FIP1L1: variants seen among roughly 807,000 people sequenced by gnomAD.
The protein encoded by FIP1L1 is factor interacting with PAPOLA and CPSF1.
Under a neutral mutation model 84.6 loss-of-function variants are expected in FIP1L1, and 21 were observed. The ratio of observed to expected loss-of-function variants is 0.25; its 90% CI spans 0.18 to 0.36. The LOEUF (loss-of-function observed/expected upper bound fraction) is 0.36, where lower values mean the gene tolerates loss of function less well. Ranked by LOEUF, FIP1L1 falls within the 10% of genes least tolerant of loss-of-function variation. The pLI is 1.00. For missense variants in FIP1L1, 526 were observed against 751.1 expected (o/e 0.70, Z 3.50); for synonymous variants, 263 against 242.3 (o/e 1.09, Z -0.80).
chr4:53,442,153 A>AT (rs915372158), intron 13 of FIP1L1: 1 of 152,744 alleles, frequency 6.5e-6, no homozygotes, highest in Non-Finnish European at 1.5e-5. Context: ...ATTTGAACAT[A>AT]TTTTCTGGTG....
chr4:53,453,285 C>T, intron 16 of FIP1L1, 152 bp downstream of exon 16: 1 of 796,634 alleles, frequency 1.3e-6, no homozygotes. Flanking sequence ...GGATTAGAGG[C>T]TTCCCATTAC....
At chr4:53,386,631 G>A (rs1212618394) in intron 5 of FIP1L1, among the ~76,000 whole-genome samples, 1 of 152,178 alleles carries the variant, frequency 6.6e-6, no homozygotes, top group Admixed American at 6.5e-5. Flanking sequence ...GGAGACAGTG[G>A]TTTTTAGGTG....
At position 53,394,172 on chromosome 4, in the gene FIP1L1, C is replaced by T. The variant is rs560529828; in HGVS notation, c.705+2674C>T. ...AATGCAATATCTTTTTCCCTCCTCT[C>T]TCAAAGGATATTAATGATAGGCTGT... On this transcript the variant is annotated intron_variant, in intron 9 of 17. Coordinates refer to ENST00000337488, the MANE Select transcript of FIP1L1 (RefSeq NM_030917.4). Among the ~76,000 whole-genome samples, 5 of 152,242 alleles carry T rather than the reference C, an allele frequency of 3.3e-5. No individual in the cohort carries two copies. The South Asian group carries it at 1.0e-3, about 32-fold the overall frequency.
intron 16 of FIP1L1, among the ~76,000 whole-genome samples, chr4:53,458,218 A>C (rs17656997): frequency 0.017 from 2,555 of 152,232 alleles, 30 homozygotes; most frequent in Non-Finnish European, 0.028. Flanking sequence ...TTATAATGTT[A>C]AACGTATGTC....
Position 53,391,025 on chromosome 4 carries a change from T to C in FIP1L1, c.522T>C (p.Asp174=), listed in dbSNP as rs567985726. The part of the protein sequence containing the change: ...PWRKPGADLS[D]YFNYGFNEDT... ...TATCTTTAGGTGCTGATCTTTCTGATTATTTTAATTATGGGTTTAATGAAG... is the reference window on the plus strand; with the variant it reads ...TATCTTTAGGTGCTGATCTTTCTGACTATTTTAATTATGGGTTTAATGAAG... Residue 174 remains aspartate (D), a synonymous_variant, in exon 8 of 18, where the codon GAT becomes GAC. Coordinates refer to ENST00000337488, the MANE Select transcript of FIP1L1 (RefSeq NM_030917.4). The C allele has an allele frequency of 2.7e-5, 43 of 1,601,350 alleles. No individual in the cohort carries two copies. The South Asian group carries it at 4.4e-4, about 16-fold the overall frequency.
chr4:53,410,100 G>A (rs1392968838), intron 10 of FIP1L1, among the ~76,000 whole-genome samples: 4 of 152,218 alleles, frequency 2.6e-5, no homozygotes, highest in African/African-American at 7.2e-5. Flanking sequence ...GCTGGGAGCT[G>A]TAGACCGGAG....
chr4:53,410,002 CTGCGCCCACTGTCT>C (rs1299607936), intron 10 of FIP1L1, among the ~76,000 whole-genome samples: 8 of 152,242 alleles, frequency 5.3e-5, no homozygotes, highest in Non-Finnish European at 1.2e-4. Flanking sequence ...ACCCACTGTC[CTGCGCCCACTGTCT>C]GGCACTCCCT....
chr4:53,411,100 T>C (rs1329117185), intron 10 of FIP1L1, among the ~76,000 whole-genome samples: 1 of 152,138 alleles, frequency 6.6e-6, no homozygotes, highest in East Asian at 1.9e-4. Flanking sequence ...TTTATGAAGG[T>C]TAGCTAGAGT....
intron 13 of FIP1L1, among the ~76,000 whole-genome samples, chr4:53,430,210 A>G (rs1474018755): frequency 1.3e-5 from 2 of 152,208 alleles, no homozygotes; most frequent in Non-Finnish European, 2.9e-5. Context: ...GTTGGTATGA[A>G]TTAATGACAA....
rs537744046 is a variant in FIP1L1, at chr4:53,390,380, T to G, written c.398-141T>G. The G allele has an allele frequency of 5.0e-5, 27 of 538,504 alleles. No individual in the cohort carries two copies. In the South Asian group the frequency reaches 5.2e-4, roughly 10 times the overall value. The allele number at this position is 538,504 out of a possible 1,614,324, so 33.4% of individuals were successfully genotyped here. Reference sequence around the variant, plus strand: ...CCCTTGCCAGGTTTTTTGCCAGGAATAGTAAAAAGATGTTTGTTTTCTGTT... The same window carrying G: ...CCCTTGCCAGGTTTTTTGCCAGGAAGAGTAAAAAGATGTTTGTTTTCTGTT... On this transcript the variant is annotated intron_variant, in intron 6 of 17. Coordinates refer to ENST00000337488, the MANE Select transcript of FIP1L1 (RefSeq NM_030917.4).
chr4:53,458,101 C>G (rs968001751), intron 16 of FIP1L1, among the ~76,000 whole-genome samples: 4 of 152,108 alleles, frequency 2.6e-5, no homozygotes, highest in African/African-American at 7.2e-5. Context: ...TTTGATGTCT[C>G]TGTTCTTTAT....
Position 53,453,005 on chromosome 4 carries a change from A to G in FIP1L1, c.1371A>G (p.Arg457=). The change falls in exon 16 of 18, where the codon AGA becomes AGG. Residue 457 remains arginine (R), a synonymous_variant. Transcript: ENST00000337488. Reference sequence around the variant, plus strand: ...AGCAGTGGGACTATTATGCCAGAAGAGAGAAAGACCGAGATAGAGAGAGAG... The same window carrying G: ...AGCAGTGGGACTATTATGCCAGAAGGGAGAAAGACCGAGATAGAGAGAGAG... The part of the protein sequence containing the change: ...TSKQWDYYAR[R]EKDRDRERDR... The G allele has an allele frequency of 6.2e-7, 1 of 1,613,920 alleles. No homozygotes were observed. Among genetic ancestry groups the G allele is most frequent in the Non-Finnish European group, 8.5e-7 (1 of 1,179,964 alleles).
chr4:53,423,257 A>G (rs1763086529), intron 11 of FIP1L1, among the ~76,000 whole-genome samples: 1 of 152,300 alleles, frequency 6.6e-6, no homozygotes, highest in Non-Finnish European at 1.5e-5. Context: ...TCAGACACCC[A>G]GAGTGGTTAG....
chr4:53,456,142 T>C (rs892183096), intron 16 of FIP1L1, among the ~76,000 whole-genome samples: 3 of 152,154 alleles, frequency 2.0e-5, no homozygotes, highest in African/African-American at 7.2e-5. Context: ...GTCTCTAGAA[T>C]GTACATGTTT....
At chr4:53,391,369 A>G (rs1226130779) in intron 8 of FIP1L1, 61 bp from the exon 9 acceptor site, 8 of 1,419,568 alleles carry the variant, frequency 5.6e-6, no homozygotes, top group African/African-American at 2.8e-5. Context: ...GTTTGTCTTT[A>G]TATGGCCTAT....
chr4:53,389,236 C>G (rs1742827828), intron 5 of FIP1L1, among the ~76,000 whole-genome samples: 1 of 152,080 alleles, frequency 6.6e-6, no homozygotes, highest in Admixed American at 6.6e-5. Context: ...TTAACAATAT[C>G]AAATGCAAGA....
intron 15 of FIP1L1, among the ~76,000 whole-genome samples, chr4:53,444,919 C>T (rs771086957): frequency 3.3e-5 from 5 of 152,104 alleles, no homozygotes; most frequent in Non-Finnish European, 7.3e-5. Flanking sequence ...TGCTTGCCCT[C>T]ATAAAAGTTA....
chr4:53,417,761 ACACTCTCTCTCTCTCTCTCTCTCT>A lies in FIP1L1; in HGVS notation c.923+3041_923+3064del, dbSNP rs1213655051. Among the ~76,000 whole-genome samples, 60 of 22,498 alleles carry A rather than the reference ACACTCTCTCTCTCTCTCTCTCTCT, an allele frequency of 2.7e-3. 3 individuals carry two copies. Among genetic ancestry groups the A allele is most frequent in the African/African-American group, 5.4e-3 (49 of 9,016 alleles). 14.8% of individuals were successfully genotyped at this position (22,498 alleles called of 152,430 possible). On this transcript the variant is annotated intron_variant, in intron 11 of 17. Transcript: ENST00000337488. ...TAAACACACACACACACACACACAC[ACACTCTCTCTCTCTCTCTCTCTCT>A]CTCTCTCTCTCTCTCTCTCTCTCTC...
At chr4:53,444,143 C>CT in intron 15 of FIP1L1, 40 bp downstream of exon 15, 1 of 1,250,140 alleles carries the variant, frequency 8.0e-7, no homozygotes, top group Non-Finnish European at 1.2e-6. Context: ...CAGTTTGAAT[C>CT]AGTAAAGTAC....
Sources: allele counts gnomAD v4.1 joint callset (sites outside exome capture counted in the v4.1 genomes callset), GRCh38; gene constraint gnomAD v4.1.1; transcripts MANE v1.5; gene names NCBI Gene and HGNC (gene_info 2026-07-23, HGNC 2026-07-21).